The following CASP9 variants were observed in gnomAD, a reference collection of about 807,000 sequenced individuals.
CASP9 encodes caspase 9.
In CASP9, 29 loss-of-function variants were observed where a neutral mutation model predicts 43.5. That is an observed-to-expected ratio of 0.67 (90% CI 0.50 to 0.91). The LOEUF is 0.91. Ranked by LOEUF, CASP9 falls within the 40% of genes least tolerant of loss-of-function variation. The probability of loss-of-function intolerance (pLI) is 0.00; values close to 1 mark genes in which losing one functional copy is unlikely to be tolerated. For missense variants in CASP9, 575 were observed against 537.4 expected (o/e 1.07, Z -0.69); for synonymous variants, 206 against 211.9 (o/e 0.97, Z 0.24).
chr1:15,519,771 C>A (rs1710105994), intron 1 of CASP9: 1 of 152,792 alleles, frequency 6.5e-6, no homozygotes, highest in Non-Finnish European at 1.5e-5. Context: ...CTTTGGGAGG[C>A]TGAAGTGGGA....
intron 3 of CASP9, chr1:15,507,654 T>C: frequency 1.7e-6 from 1 of 576,940 alleles, no homozygotes; most frequent in Non-Finnish European, 3.1e-6. Flanking sequence ...AGGTCTGCCC[T>C]GCTTCTGCTG....
At chr1:15,507,144 G>T (rs1302737325) in intron 3 of CASP9, 69 bp from the exon 4 acceptor site, 11 of 1,591,746 alleles carry the variant, frequency 6.9e-6, no homozygotes, top group Non-Finnish European at 9.5e-6. Context: ...CTGGAGAGGC[G>T]GGAAGAAAAC....
rs1337479013 is a variant in CASP9, at chr1:15,507,878, CT to C, written c.447del (p.Asp150IlefsTer6). The part of the protein sequence containing the change: ...VGALESLRGN[A>X]DLAYILSMEP... ...CAAATTTCATGGAGACTCACCAAAT[CT>C]GCATTTCCCCTCAAACTCTCAAGAG... On this transcript the variant is annotated frameshift_variant, in exon 3 of 9. Coordinates refer to ENST00000333868, the MANE Select transcript of CASP9 (RefSeq NM_001229.5). LOFTEE classifies it high-confidence loss of function. The C allele has an allele frequency of 6.2e-7, 1 of 1,614,146 alleles. No individual in the cohort carries two copies. The highest frequency in any genetic ancestry group is 1.1e-5 in the South Asian group (1 of 91,080).
intron 6 of CASP9, among the ~76,000 whole-genome samples, chr1:15,499,118 T>G (rs953474881): frequency 7.2e-5 from 11 of 152,210 alleles, no homozygotes; most frequent in African/African-American, 2.4e-4. Context: ...GTATTCCATT[T>G]TATGTAATTA....
chr1:15,524,112 A>T lies in CASP9; in HGVS notation c.89T>A (p.Leu30Gln), dbSNP rs1370645759. 1.9e-6 allele frequency: 3 copies of T among 1,540,642 alleles called. No homozygotes were observed. The African/African-American group carries it at 4.1e-5, about 21-fold the overall frequency. ...ATGGGGCCTGAACAGCTCGCGGCTC[A>T]GCAGGGCGTCCCAGAGCTGGTCCAC... ...LQVDQLWDAL[L>Q]SRELFRPHMI... Residue 30 changes from leucine (L) to glutamine (Q), a missense_variant, in exon 1 of 9, where the codon CTG becomes CAG. Physicochemically the swap from Leu to Gln is moderately radical, Grantham distance 113. Coordinates refer to ENST00000333868, the MANE Select transcript of CASP9 (RefSeq NM_001229.5).
At chr1:15,522,325 G>A (rs1019395574) in intron 1 of CASP9, among the ~76,000 whole-genome samples, 6 of 152,190 alleles carry the variant, frequency 3.9e-5, no homozygotes, top group African/African-American at 1.4e-4. Flanking sequence ...GGCAACCTGT[G>A]GTTCCCACAA....
Position 15,491,518 on chromosome 1 carries a change from G to A in CASP9, c.*1425C>T. ...CAAGCCTGTAACCCCTGCACTTTGG[G>A]AGGCTAAGGCAGGCTGATCGCTTGA... On this transcript the variant is annotated 3_prime_UTR_variant, in exon 9 of 9. Coordinates refer to ENST00000333868, the MANE Select transcript of CASP9 (RefSeq NM_001229.5). The A allele has an allele frequency of 1.6e-6, 1 of 619,178 alleles. No homozygotes were observed. Among genetic ancestry groups the A allele is most frequent in the Non-Finnish European group, 2.7e-6 (1 of 364,588 alleles). The allele number at this position is 619,178 out of a possible 1,614,324, so 38.4% of individuals were successfully genotyped here. A position where few individuals can be genotyped will look rare whatever the true frequency, so the allele number is the denominator to read the frequency against.
At position 15,507,855 on chromosome 1, in the gene CASP9, A is replaced by G. The variant is rs750679711; in HGVS notation, c.453+18T>C. The G allele has an allele frequency of 6.2e-7, 1 of 1,613,958 alleles. No homozygotes were observed. The highest frequency in any genetic ancestry group is 8.5e-7 in the Non-Finnish European group (1 of 1,179,864). On this transcript the variant is annotated intron_variant, in intron 3 of 8. Transcript: ENST00000333868. The stretch of plus-strand genomic sequence containing the variant: ...GCCCAGAGCCCGAGCTACTGGCCCA[A>G]ATTTCATGGAGACTCACCAAATCTG...
At chr1:15,510,301 T>C (rs1709707946) in intron 2 of CASP9, among the ~76,000 whole-genome samples, 1 of 152,158 alleles carries the variant, frequency 6.6e-6, no homozygotes, top group South Asian at 2.1e-4. Flanking sequence ...CATACTCCTG[T>C]TCCAATAACA....
At chr1:15,498,809 G>A (rs149109755) in intron 6 of CASP9, among the ~76,000 whole-genome samples, 67 of 147,894 alleles carry the variant, frequency 4.5e-4, no homozygotes, top group African/African-American at 1.6e-3. Flanking sequence ...GAATGCAGTG[G>A]CGCGATGGCT....
At chr1:15,523,885 G>A (rs1289753289) in intron 1 of CASP9, among the ~76,000 whole-genome samples, 184 bp downstream of exon 1, 1 of 138,096 alleles carries the variant, frequency 7.2e-6, no homozygotes, top group Non-Finnish European at 1.6e-5. Context: ...AGCACTAACA[G>A]TGTACGCTGA....
chr1:15,516,361 G>A (rs944292852), intron 2 of CASP9, among the ~76,000 whole-genome samples: 6 of 151,304 alleles, frequency 4.0e-5, no homozygotes, highest in African/African-American at 9.7e-5. Context: ...GCCTGGTGGC[G>A]CACACAGCTA....
At chr1:15,508,016 C>T in intron 2 of CASP9, 109 bp from the exon 3 acceptor site, 1 of 1,105,198 alleles carries the variant, frequency 9.0e-7, no homozygotes. Context: ...GAACTCAGAC[C>T]CTCAGACTCT....
chr1:15,495,485 T>C, intron 6 of CASP9, 33 bp from the exon 7 acceptor site: 8 of 1,523,804 alleles, frequency 5.3e-6, no homozygotes, highest in Non-Finnish European at 7.1e-6. Flanking sequence ...CCTCTTGTCA[T>C]TGAAATACAC....
chr1:15,501,061 C>T (rs935066368), intron 6 of CASP9, among the ~76,000 whole-genome samples: 2 of 152,190 alleles, frequency 1.3e-5, no homozygotes, highest in Non-Finnish European at 2.9e-5. Context: ...CAAAACTCCC[C>T]GTAGGGCAGG....
At chr1:15,520,883 C>T (rs995021123) in intron 1 of CASP9, among the ~76,000 whole-genome samples, 3 of 152,014 alleles carry the variant, frequency 2.0e-5, no homozygotes, top group South Asian at 2.1e-4. Flanking sequence ...CCTGGCTGGG[C>T]GCGGTGGCTC....
Position 15,505,994 on chromosome 1 carries a change from C to G in CASP9, c.716G>C (p.Cys239Ser). The change falls in exon 5 of 9, where the codon TGT becomes TCT. Residue 239 changes from cysteine (C) to serine (S), a missense_variant. Transcript: ENST00000333868. ...GAACAGTGGGAGGCTTCCTACCTGACAGCCGTGAGAGAGAATGACCACCAC... is the reference window on the plus strand; with the variant it reads ...GAACAGTGGGAGGCTTCCTACCTGAGAGCCGTGAGAGAGAATGACCACCAC... The part of the protein sequence containing the change: ...CCVVVILSHG[C>S]QASHLQFPGA... The G allele has an allele frequency of 6.2e-7, 1 of 1,613,660 alleles. No homozygotes were observed. Among genetic ancestry groups the G allele is most frequent in the Non-Finnish European group, 8.5e-7 (1 of 1,179,546 alleles).
At chr1:15,493,126 C>T (rs1708954393) in intron 8 of CASP9, 91 bp from the exon 9 acceptor site, 2 of 1,577,984 alleles carry the variant, frequency 1.3e-6, no homozygotes, top group Admixed American at 1.8e-5. Context: ...GTCCACTCAA[C>T]CCGCACCTTA....
At chr1:15,508,469 A>G (rs1709609250) in intron 2 of CASP9, among the ~76,000 whole-genome samples, 2 of 151,680 alleles carry the variant, frequency 1.3e-5, no homozygotes. Flanking sequence ...CAGGAGTGCA[A>G]TGGCACTATC....
Sources: allele counts gnomAD v4.1 joint callset (sites outside exome capture counted in the v4.1 genomes callset), GRCh38; gene constraint gnomAD v4.1.1; transcripts MANE v1.5; gene names NCBI Gene and HGNC (gene_info 2026-07-23, HGNC 2026-07-21).